HSBP1L1: variants seen among roughly 807,000 people sequenced by gnomAD.
HSBP1L1 encodes heat shock factor-binding protein 1-like protein 1.
HSBP1L1 carries 8 observed loss-of-function variants against 9.7 expected under a neutral mutation model. The observed-to-expected ratio is 0.82, with a 90% CI of 0.48 to 1.48. The LOEUF (loss-of-function observed/expected upper bound fraction) is 1.48, where lower values mean the gene tolerates loss of function less well. Ranked by LOEUF, HSBP1L1 falls within the 40% of genes most tolerant of loss-of-function variation. The pLI, the probability that HSBP1L1 is intolerant of heterozygous loss-of-function variation, is 0.00. For synonymous variants in HSBP1L1, 39 were observed against 34.4 expected, an observed-to-expected ratio of 1.13 and a Z score of -0.46; for missense variants, 106 against 95.8, an observed-to-expected ratio of 1.11 and a Z score of -0.44.
chr18:79,970,455 C>T lies in HSBP1L1; in HGVS notation c.*4C>T. 2.8e-6 allele frequency: 2 copies of T among 718,562 alleles called. No homozygotes were observed. The highest frequency in any genetic ancestry group is 5.2e-6 in the Non-Finnish European group (2 of 385,058). The allele number at this position is 718,562 out of a possible 1,614,324, so 44.5% of individuals were successfully genotyped here. A position where few individuals can be genotyped will look rare whatever the true frequency, so the allele number is the denominator to read the frequency against. On this transcript the variant is annotated 3_prime_UTR_variant, in exon 4 of 4. Transcript: ENST00000451882. ...CCCTAAATAGCTGAAGACCTAACTGCAGCATGTCTGTATTTGGAGATGGGG... is the reference window on the plus strand; with the variant it reads ...CCCTAAATAGCTGAAGACCTAACTGTAGCATGTCTGTATTTGGAGATGGGG...
rs1753307501 is a variant in HSBP1L1 at position 79,970,582 on chromosome 18, CCCCT to C, written c.*134_*137del. On this transcript the variant is annotated 3_prime_UTR_variant, in exon 4 of 4. Transcript: ENST00000451882. ...GAGACGCAAGGGGCTCGCCTGCTCT[CCCCT>C]CCGTGCCTGCACCAGAGAAGGAGGC... 1 of 559,970 alleles carries C rather than the reference CCCCT, an allele frequency of 1.8e-6. No individual in the cohort carries two copies. The highest frequency in any genetic ancestry group is 2.9e-5 in the Admixed American group (1 of 35,064). 34.7% of individuals were successfully genotyped at this position (559,970 alleles called of 1,614,324 possible).
intron 3 of HSBP1L1, among the ~76,000 whole-genome samples, chr18:79,969,259 A>G (rs866233487): frequency 1.9e-3 from 39 of 20,336 alleles, no homozygotes; most frequent in African/African-American, 4.6e-3. Flanking sequence ...GGAGAGAGAG[A>G]GAGGGAGGGA....
chr18:79,967,773 C>T (rs1175549276), intron 2 of HSBP1L1: 1 of 219,460 alleles, frequency 4.6e-6, no homozygotes, highest in African/African-American at 2.3e-5. Flanking sequence ...ACCCTACAAA[C>T]AAAAAAGAGT....
intron 3 of HSBP1L1, among the ~76,000 whole-genome samples, chr18:79,969,679 T>C (rs1376097489): frequency 6.6e-6 from 1 of 152,224 alleles, no homozygotes; most frequent in Non-Finnish European, 1.5e-5. Flanking sequence ...ACTGGCATCA[T>C]AACCTTCAGA....
Sources: gnomAD v4.1 joint callset for allele counts (sites outside exome capture counted in the v4.1 genomes callset) on GRCh38, gnomAD v4.1.1 for gene constraint, MANE v1.5 for transcripts, NCBI Gene and HGNC (gene_info 2026-07-23, HGNC 2026-07-21) for gene names.